CATSPERG: variants seen among roughly 807,000 people sequenced by gnomAD.
CATSPERG encodes catsper channel auxiliary subunit gamma.
Under a neutral mutation model 145.0 loss-of-function variants are expected in CATSPERG, and 115 were observed. That is an observed-to-expected ratio of 0.79 (90% confidence interval 0.68 to 0.93). The LOEUF (loss-of-function observed/expected upper bound fraction) is 0.93, where lower values mean the gene tolerates loss of function less well. Among genes scored for constraint, CATSPERG ranks in the 40% least tolerant of loss-of-function variants. The pLI is 0.00. For synonymous variants in CATSPERG, 588 were observed against 589.0 expected (o/e 1.00, Z 0.02); for missense variants, 1,296 against 1,490.1 (o/e 0.87, Z 2.14).
At chr19:38,341,699 C>G (rs1307071832) in intron 3 of CATSPERG, among the ~76,000 whole-genome samples, 2 of 151,762 alleles carry the variant, frequency 1.3e-5, no homozygotes, top group Non-Finnish European at 2.9e-5. Context: ...TTCAGGAGTT[C>G]GAGACTAGCC....
Position 38,362,028 on chromosome 19 carries a change from A to T in CATSPERG, c.2094+167A>T, listed in dbSNP as rs1970356226. The T allele has an allele frequency of 1.1e-5, 10 of 915,352 alleles. No homozygotes were observed. In the South Asian group the frequency reaches 1.5e-4, roughly 13 times the overall value. The allele number at this position is 915,352 out of a possible 1,614,324, so 56.7% of individuals were successfully genotyped here. A position where few individuals can be genotyped will look rare whatever the true frequency, so the allele number is the denominator to read the frequency against. On this transcript the variant is annotated intron_variant, in intron 17 of 28. Coordinates refer to ENST00000409235, the MANE Select transcript of CATSPERG (RefSeq NM_021185.5). ...GGGGCCTGGCTTGAGCAGGACTTCC[A>T]GGGGAAGGCGTTGGGGGTGTGGCCG...
chr19:38,352,525 A>T, intron 8 of CATSPERG, 93 bp downstream of exon 8: 7 of 1,099,030 alleles, frequency 6.4e-6, no homozygotes, highest in African/African-American at 1.7e-5. Flanking sequence ...GCTGTGGGTG[A>T]GGCATTGGGG....
rs1970327972 is a variant in CATSPERG, at chr19:38,360,632, C to G, written c.1752C>G (p.Asp584Glu). The G allele has an allele frequency of 6.2e-7, 1 of 1,614,128 alleles. No individual in the cohort carries two copies. The highest frequency in any genetic ancestry group is 1.7e-5 in the Admixed American group (1 of 60,012). Residue 584 changes from aspartate to glutamate, a missense_variant, in exon 15 of 29, where the codon GAC becomes GAG. Coordinates refer to ENST00000409235, the MANE Select transcript of CATSPERG (RefSeq NM_021185.5). ...CCATGCTGACCCTCTTCTACGAAGA[C>G]AGCAAACTGTACCAGGTGCCCGGTG... ...NETMLTLFYEDSKLYQLVYLM... is the reference protein window; with the variant it reads ...NETMLTLFYEESKLYQLVYLM...
chr19:38,367,151 C>T lies in CATSPERG; in HGVS notation c.2614-5C>T, dbSNP rs766445176. The T allele has an allele frequency of 1.3e-5, 21 of 1,609,802 alleles. No individual in the cohort carries two copies. Among genetic ancestry groups the T allele is most frequent in the South Asian group, 9.9e-5 (9 of 90,660 alleles). On this transcript the variant is annotated splice_polypyrimidine_tract_variant and splice_region_variant and intron_variant, in intron 22 of 28. Transcript: ENST00000409235. The stretch of plus-strand genomic sequence containing the variant: ...CCCCTGTGAGCCTTTTTTCCTCCCA[C>T]CGAGGGCAACCTGATGGTGCCAGTG...
intron 6 of CATSPERG, among the ~76,000 whole-genome samples, chr19:38,344,901 A>ATATATATATATT (rs1468159196): frequency 2.5e-5 from 2 of 80,008 alleles, no homozygotes; most frequent in African/African-American, 9.5e-5. Context: ...ATATATATAT[A>ATATATATATATT]TTTTTTTTTT....
At chr19:38,337,077 G>A in intron 1 of CATSPERG, 144 bp from the exon 2 acceptor site, 2 of 982,854 alleles carry the variant, frequency 2.0e-6, no homozygotes, top group Non-Finnish European at 1.5e-6. Context: ...GGGACCAAGA[G>A]CAAGTGCAGG....
chr19:38,365,144 T>C (rs1486726755), intron 22 of CATSPERG, 27 bp downstream of exon 22: 4 of 1,607,992 alleles, frequency 2.5e-6, no homozygotes, highest in South Asian at 2.2e-5. Context: ...TACTGGGCCC[T>C]GGGAGGGGAA....
intron 7 of CATSPERG, among the ~76,000 whole-genome samples, chr19:38,351,043 G>A (rs1970130501): frequency 6.6e-6 from 1 of 152,020 alleles, no homozygotes; most frequent in African/African-American, 2.4e-5. Flanking sequence ...GACTACAGAG[G>A]CTGCATCTTC....
rs541253451 is a variant in CATSPERG at position 38,365,206 on chromosome 19, C to T, written c.2613+89C>T. On this transcript the variant is annotated intron_variant, in intron 22 of 28. Coordinates refer to ENST00000409235, the MANE Select transcript of CATSPERG (RefSeq NM_021185.5). ...AATCCCCCTGAGAATCCCACTAATG[C>T]ATTCATAATTTCCTTTCTTCTCATT... 2.5e-5 allele frequency: 28 copies of T among 1,121,868 alleles called. 1 individual carries two copies. In the South Asian group the frequency reaches 3.2e-4, roughly 13 times the overall value. The allele number at this position is 1,121,868 out of a possible 1,614,324, so 69.5% of individuals were successfully genotyped here. A position where few individuals can be genotyped will look rare whatever the true frequency, so the allele number is the denominator to read the frequency against.
chr19:38,369,161 T>C (rs1030902255), intron 26 of CATSPERG, among the ~76,000 whole-genome samples: 1 of 152,180 alleles, frequency 6.6e-6, no homozygotes, highest in Non-Finnish European at 1.5e-5. Flanking sequence ...CTCAGTAAGT[T>C]TCATTCAATG....
chr19:38,363,887 A>T (rs1021897632), intron 20 of CATSPERG, among the ~76,000 whole-genome samples: 1 of 152,202 alleles, frequency 6.6e-6, no homozygotes, highest in Non-Finnish European at 1.5e-5. Context: ...CACGGCAACC[A>T]TCCGATTTCT....
intron 7 of CATSPERG, among the ~76,000 whole-genome samples, chr19:38,350,741 C>T (rs182642301): frequency 8.5e-5 from 13 of 152,252 alleles, no homozygotes; most frequent in Non-Finnish European, 1.6e-4. Context: ...GTAATCCCAA[C>T]ATTTTGGGAA....
chr19:38,360,729 A>G lies in CATSPERG; in HGVS notation c.1768-2A>G. On this transcript the variant is annotated splice_acceptor_variant, in intron 15 of 28. Transcript: ENST00000409235. LOFTEE classifies it high-confidence loss of function. ...TCACCTGGCCCTGCCTTCCCCCTGC[A>G]GCTGGTGTACCTTATGAACAACCAG... 6.2e-7 allele frequency: 1 copy of G among 1,614,128 alleles called. No homozygotes were observed. The highest frequency in any genetic ancestry group is 8.5e-7 in the Non-Finnish European group (1 of 1,179,960).
At chr19:38,344,248 C>T (rs754724658) in intron 5 of CATSPERG, 48 bp from the exon 6 acceptor site, 4 of 1,541,154 alleles carry the variant, frequency 2.6e-6, no homozygotes, top group South Asian at 2.4e-5. Flanking sequence ...AGCTGTGGAA[C>T]CCCTGACACT....
intron 20 of CATSPERG, among the ~76,000 whole-genome samples, chr19:38,364,686 G>A (rs547575606): frequency 2.0e-4 from 30 of 152,378 alleles, no homozygotes; most frequent in African/African-American, 7.0e-4. Context: ...TCGGGAGGCC[G>A]AGGCTGGCGG....
intron 10 of CATSPERG, 35 bp from the exon 11 acceptor site, chr19:38,356,707 C>T: frequency 6.2e-7 from 1 of 1,612,318 alleles, no homozygotes; most frequent in Non-Finnish European, 8.5e-7. Context: ...CTATTGAGCC[C>T]TGGGGCGGCT....
chr19:38,368,417 G>T (rs890018773), intron 26 of CATSPERG, among the ~76,000 whole-genome samples: 1 of 152,170 alleles, frequency 6.6e-6, no homozygotes, highest in African/African-American at 2.4e-5. Context: ...GCCTCTTGGG[G>T]CTCTCCCATC....
Position 38,352,252 on chromosome 19 carries a change from C to T in CATSPERG, c.826-9C>T. 6.4e-7 allele frequency: 1 copy of T among 1,551,072 alleles called. No homozygotes were observed. Among genetic ancestry groups the T allele is most frequent in the Non-Finnish European group, 8.7e-7 (1 of 1,146,950 alleles). ...CACCTGCTCACCACTAGCCTCTGCT[C>T]CCCTGCAGCTGAGCATTGACAGTTG... On this transcript the variant is annotated splice_polypyrimidine_tract_variant and intron_variant, in intron 7 of 28. Coordinates refer to ENST00000409235, the MANE Select transcript of CATSPERG (RefSeq NM_021185.5).
At chr19:38,365,455 G>T in intron 22 of CATSPERG, 2 of 254,200 alleles carry the variant, frequency 7.9e-6, no homozygotes, top group South Asian at 5.0e-5. Flanking sequence ...TATTTTTAGT[G>T]GAGACAGAGT....
Sources: gnomAD v4.1 joint callset for allele counts (sites outside exome capture counted in the v4.1 genomes callset) on GRCh38, gnomAD v4.1.1 for gene constraint, MANE v1.5 for transcripts, NCBI Gene and HGNC (gene_info 2026-07-23, HGNC 2026-07-21) for gene names.